ELAVL4: variants seen among roughly 807,000 people sequenced by gnomAD.
ELAVL4 encodes ELAV like RNA binding protein 4.
Under a neutral mutation model 35.6 loss-of-function variants are expected in ELAVL4, and 1 was observed. The observed-to-expected ratio is 0.03, with a 90% CI of 0.01 to 0.13. The LOEUF is 0.13. Among genes scored for constraint, ELAVL4 ranks in the 10% least tolerant of loss-of-function variants. The pLI, the probability that ELAVL4 is intolerant of heterozygous loss-of-function variation, is 1.00. For synonymous variants in ELAVL4, 156 were observed against 171.0 expected, an observed-to-expected ratio of 0.91 and a Z score of 0.69; for missense variants, 267 against 464.9, an observed-to-expected ratio of 0.57 and a Z score of 3.91.
intron 2 of ELAVL4, among the ~76,000 whole-genome samples, chr1:50,165,171 C>A (rs1047665830): frequency 2.0e-5 from 3 of 152,074 alleles, no homozygotes; most frequent in East Asian, 3.9e-4. Context: ...ATTTGACAAG[C>A]GTGATGATGG....
At position 50,073,736 on chromosome 1, in the gene ELAVL4, G is replaced by A. The variant is rs557929447; in HGVS notation, c.18+25554G>A. On this transcript the variant is annotated intron_variant, in intron 1 of 6. Transcript: ENST00000448907. ...CGTCCACTGGAGTTTGAGGAATAAT[G>A]GCTTCGTAAATGAGAAAAACACCAA... 1.2e-4 allele frequency among the ~76,000 whole-genome samples: 18 copies of A among 152,074 alleles called. No homozygotes were observed. The South Asian group carries it at 3.5e-3, about 30-fold the overall frequency.
chr1:50,139,645 T>C (rs1672482097), intron 1 of ELAVL4, among the ~76,000 whole-genome samples: 1 of 152,130 alleles, frequency 6.6e-6, no homozygotes, highest in South Asian at 2.1e-4. Context: ...GGAACTAGTG[T>C]TACAGGTAAC....
rs116328557 is a variant in ELAVL4, at chr1:50,188,487, T to C, written c.355-5278T>C. Among the ~76,000 whole-genome samples the C allele has an allele frequency of 5.6e-3, 858 of 152,292 alleles. 9 individuals carry two copies. The highest frequency in any genetic ancestry group is 0.02 in the African/African-American group (836 of 41,564). On this transcript the variant is annotated intron_variant, in intron 3 of 6. Transcript: ENST00000371824. ...TTTCCACATCCAAGTTCTAAACCAATTGAGAAGTAAGACAAAAGAGAAAAG... is the reference window on the plus strand; with the variant it reads ...TTTCCACATCCAAGTTCTAAACCAACTGAGAAGTAAGACAAAAGAGAAAAG...
intron 2 of ELAVL4, among the ~76,000 whole-genome samples, chr1:50,146,984 G>C (rs745929631): frequency 1.3e-5 from 2 of 152,016 alleles, no homozygotes; most frequent in Non-Finnish European, 2.9e-5. Flanking sequence ...GTAGTTCACC[G>C]AGTGGATTTG....
Position 50,201,815 on chromosome 1 carries a change from G to A in ELAVL4, c.*637G>A, listed in dbSNP as rs2148901317. The A allele has an allele frequency of 6.6e-6, 1 of 151,842 alleles. No individual in the cohort carries two copies. Among genetic ancestry groups the A allele is most frequent in the East Asian group, 1.9e-4 (1 of 5,166 alleles). 9.4% of individuals were successfully genotyped at this position (151,842 alleles called of 1,614,324 possible). On this transcript the variant is annotated 3_prime_UTR_variant, in exon 7 of 7. Coordinates refer to ENST00000371824, the MANE Select transcript of ELAVL4 (RefSeq NM_001144774.3). This position sits in a 1 kb window ranked among gnomAD's most constrained non-coding sequence, Gnocchi z 4.3. Reference sequence around the variant, plus strand: ...AAACAGTCTTCTGTTAGGGGATGGGGGCAAGGGGGATACCTGATGACATTA... The same window carrying A: ...AAACAGTCTTCTGTTAGGGGATGGGAGCAAGGGGGATACCTGATGACATTA...
At chr1:50,200,819 G>A (rs1644357106) in intron 6 of ELAVL4, 32 bp from the exon 7 acceptor site, 3 of 1,601,864 alleles carry the variant, frequency 1.9e-6, no homozygotes, top group Non-Finnish European at 2.6e-6. Context: ...ACTGATGTCT[G>A]GACCAGTCCC....
intron 1 of ELAVL4, among the ~76,000 whole-genome samples, chr1:50,126,076 TC>T (rs1210428444): frequency 6.6e-6 from 1 of 151,992 alleles, no homozygotes; most frequent in African/African-American, 2.4e-5. Context: ...ATAAGCTCAG[TC>T]CCCCTAGGGT....
rs571116217 is a variant in ELAVL4 at position 50,142,842 on chromosome 1, T to A, written c.10-2115T>A. ...ACGCTCATAGCAGCATTATCTATAG[T>A]AGTTCAAAATTAGAAACAATCCAAA... On this transcript the variant is annotated intron_variant, in intron 1 of 6. Transcript: ENST00000371824. Among the ~76,000 whole-genome samples, 4 of 152,300 alleles carry A rather than the reference T, an allele frequency of 2.6e-5. No individual in the cohort carries two copies. The South Asian group carries it at 8.3e-4, about 32-fold the overall frequency.
chr1:50,194,178 CA>C (rs1683089978), intron 4 of ELAVL4, among the ~76,000 whole-genome samples: 1 of 152,216 alleles, frequency 6.6e-6, no homozygotes, highest in South Asian at 2.1e-4. Context: ...AGGATTCAGG[CA>C]TCAGGCTGAG....
At chr1:50,196,339 T>A (rs944042144) in intron 5 of ELAVL4, among the ~76,000 whole-genome samples, 1 of 152,158 alleles carries the variant, frequency 6.6e-6, no homozygotes, top group African/African-American at 2.4e-5. Context: ...TAGTGTTTCC[T>A]TCAAGTACCC....
At chr1:50,131,044 C>T (rs1670767217) in intron 1 of ELAVL4, among the ~76,000 whole-genome samples, 1 of 152,096 alleles carries the variant, frequency 6.6e-6, no homozygotes, top group African/African-American at 2.4e-5. Context: ...GTTTACCAAA[C>T]AAATTTTCTT....
intron 1 of ELAVL4, among the ~76,000 whole-genome samples, chr1:50,090,329 T>C (rs1665433265): frequency 6.6e-6 from 1 of 152,208 alleles, no homozygotes. Context: ...CACTACTCTT[T>C]TTCACTTTTC....
chr1:50,073,569 C>A (rs193047778), intron 1 of ELAVL4, among the ~76,000 whole-genome samples: 1 of 151,778 alleles, frequency 6.6e-6, no homozygotes, highest in Admixed American at 6.6e-5. Flanking sequence ...AATGCAAAAT[C>A]AATAATATGC....
chr1:50,128,574 G>A (rs926804714), intron 1 of ELAVL4, among the ~76,000 whole-genome samples: 1 of 152,106 alleles, frequency 6.6e-6, no homozygotes, highest in Non-Finnish European at 1.5e-5. Flanking sequence ...AGGCTGGAGA[G>A]TTTCAATGCT....
intron 1 of ELAVL4, among the ~76,000 whole-genome samples, chr1:50,137,541 A>C (rs1488725938): frequency 1.3e-5 from 2 of 151,832 alleles, no homozygotes; most frequent in Non-Finnish European, 2.9e-5. Flanking sequence ...GGAAGGCAGG[A>C]AGGAAGGAAA....
chr1:50,188,325 TCCACTTACTATGAA>T (rs1033503232), intron 3 of ELAVL4, among the ~76,000 whole-genome samples: 1 of 152,136 alleles, frequency 6.6e-6, no homozygotes, highest in African/African-American at 2.4e-5. Flanking sequence ...TTACTATGTC[TCCACTTACTATGAA>T]CCACAGTTAT....
chr1:50,145,344 T>C (rs1673511529), intron 2 of ELAVL4, 147 bp downstream of exon 2: 3 of 1,228,900 alleles, frequency 2.4e-6, no homozygotes, highest in South Asian at 2.9e-5. Context: ...TCACACTACA[T>C]ACACCACATA....
At chr1:50,191,392 G>A (rs985995382) in intron 3 of ELAVL4, among the ~76,000 whole-genome samples, 3 of 152,122 alleles carry the variant, frequency 2.0e-5, no homozygotes, top group African/African-American at 7.2e-5. Context: ...CTGGGATTCT[G>A]GGTGCCTGAC....
chr1:50,169,871 G>T (rs1678671442), intron 2 of ELAVL4, among the ~76,000 whole-genome samples: 1 of 152,042 alleles, frequency 6.6e-6, no homozygotes, highest in Non-Finnish European at 1.5e-5. Context: ...TATTATTTTT[G>T]CTGGGCTATA....
Sources: gnomAD v4.1 joint callset for allele counts (sites outside exome capture counted in the v4.1 genomes callset) on GRCh38, gnomAD v4.1.1 for gene constraint, Gnocchi (gnomAD v3.1) non-coding constraint, MANE v1.5 for transcripts, NCBI Gene and HGNC (gene_info 2026-07-23, HGNC 2026-07-21) for gene names.